Variants in PTPRM observed in about 807,000 individuals in gnomAD.
PTPRM encodes the protein receptor-type tyrosine-protein phosphatase mu.
A neutral mutation model predicts 186.7 loss-of-function variants in PTPRM; 47 were observed. The observed-to-expected ratio is 0.25, with a 90% CI of 0.20 to 0.32. The LOEUF (loss-of-function observed/expected upper bound fraction) is 0.32. Among genes scored for constraint, PTPRM ranks in the 10% least tolerant of loss-of-function variants. The pLI, the probability that PTPRM is intolerant of heterozygous loss-of-function variation, is 1.00. For missense variants in PTPRM, 1,494 were observed against 1,865.0 expected (o/e 0.80, Z 3.66); for synonymous variants, 668 against 674.9 (o/e 0.99, Z 0.16).
intron 14 of PTPRM, among the ~76,000 whole-genome samples, chr18:8,153,194 C>T (rs781533989): frequency 1.4e-4 from 22 of 152,184 alleles, no homozygotes; most frequent in Middle Eastern, 3.4e-3. Context: ...TTTTTAATTC[C>T]GGGAATATGG....
At chr18:7,953,029 G>A (rs569110395) in intron 6 of PTPRM, among the ~76,000 whole-genome samples, 11 of 152,278 alleles carry the variant, frequency 7.2e-5, no homozygotes, top group East Asian at 1.9e-4. Flanking sequence ...AAATGTTGCC[G>A]TATTCTTGTG....
Position 8,213,824 on chromosome 18 carries a change from G to A in PTPRM, c.2301-30234G>A, listed in dbSNP as rs139099336. Among the ~76,000 whole-genome samples the A allele has an allele frequency of 2.3e-3, 348 of 152,242 alleles. 2 individuals are homozygous for A. Among genetic ancestry groups the A allele is most frequent in the Non-Finnish European group, 1.8e-3 (125 of 68,020 alleles). ...GCATGCATGCGCTTGTCACTGCACT[G>A]TTCACAATTGCAAAGATACGGAATC... On this transcript the variant is annotated intron_variant, in intron 14 of 32. Transcript: ENST00000580170.
chr18:7,873,041 A>G (rs944780524), intron 2 of PTPRM, among the ~76,000 whole-genome samples: 12 of 152,272 alleles, frequency 7.9e-5, no homozygotes, highest in Non-Finnish European at 8.8e-5. Flanking sequence ...GAATGTTGGT[A>G]GTTTTTAAAT....
chr18:7,668,755 C>G lies in PTPRM; in HGVS notation c.73+100864C>G, dbSNP rs902871014. On this transcript the variant is annotated intron_variant, in intron 1 of 32. Coordinates refer to ENST00000580170, the MANE Select transcript of PTPRM (RefSeq NM_001105244.2). This position sits in a 1 kb window ranked among gnomAD's most constrained non-coding sequence, Gnocchi z 4.7. ...AACTTCTCAGCAAGGCTCACCCTGG[C>G]CACTGCCACAGAACTGCCATTCCTG... Among the ~76,000 whole-genome samples the G allele has an allele frequency of 6.6e-6, 1 of 152,212 alleles. No individual in the cohort carries two copies. Among genetic ancestry groups the G allele is most frequent in the Non-Finnish European group, 1.5e-5 (1 of 68,048 alleles).
chr18:8,161,848 T>C (rs1456669243), intron 14 of PTPRM, among the ~76,000 whole-genome samples: 1 of 152,174 alleles, frequency 6.6e-6, no homozygotes, highest in Non-Finnish European at 1.5e-5. Context: ...TAACTGGTTC[T>C]TGCTCAGAAA....
At chr18:7,683,946 A>G (rs2144593452) in intron 1 of PTPRM, among the ~76,000 whole-genome samples, 1 of 152,154 alleles carries the variant, frequency 6.6e-6, no homozygotes, top group East Asian at 1.9e-4. Flanking sequence ...TGATATCAGC[A>G]GGGGGTTGCT....
In PTPRM at chr18:7,688,022, C is replaced by T. The variant is rs111911739; in HGVS notation, c.74-86127C>T. Among the ~76,000 whole-genome samples the T allele has an allele frequency of 5.6e-3, 854 of 152,138 alleles. 10 individuals are homozygous for T. The highest frequency in any genetic ancestry group is 0.02 in the African/African-American group (813 of 41,496). On this transcript the variant is annotated intron_variant, in intron 1 of 32. Transcript: ENST00000580170. Reference sequence around the variant, plus strand: ...CGATCTCTTGACTTTGTGATCCGCCCGTCTCAGCTTCCCAAAGTGCTGGAT... The same window carrying T: ...CGATCTCTTGACTTTGTGATCCGCCTGTCTCAGCTTCCCAAAGTGCTGGAT...
At chr18:8,000,175 C>T (rs998226496) in intron 7 of PTPRM, among the ~76,000 whole-genome samples, 9 of 152,160 alleles carry the variant, frequency 5.9e-5, no homozygotes, top group African/African-American at 2.2e-4. Context: ...ACACCCTCAC[C>T]AGAAACATTC....
intron 22 of PTPRM, among the ~76,000 whole-genome samples, chr18:8,321,661 G>A (rs985840369): frequency 9.2e-5 from 14 of 152,188 alleles, no homozygotes; most frequent in Non-Finnish European, 7.4e-5. Context: ...TTACCAGGTC[G>A]TGGCAGCCTT....
chr18:7,817,237 A>C (rs1339239554), intron 2 of PTPRM, among the ~76,000 whole-genome samples: 1 of 152,180 alleles, frequency 6.6e-6, no homozygotes, highest in Non-Finnish European at 1.5e-5. Context: ...GGCATCCCAA[A>C]GTGTTGGGAT....
intron 19 of PTPRM, among the ~76,000 whole-genome samples, chr18:8,263,931 G>A (rs534458801): frequency 2.0e-5 from 3 of 152,258 alleles, no homozygotes; most frequent in African/African-American, 7.2e-5. Flanking sequence ...CTGCTCTAGT[G>A]AATAAATTAA....
chr18:8,033,414 G>A lies in PTPRM; in HGVS notation c.1133-36272G>A, dbSNP rs560604187. On this transcript the variant is annotated intron_variant, in intron 7 of 32. Transcript: ENST00000580170. ...CAATAAGGATATACTCTGAGAATGT[G>A]TCTTTCACCATTTCATGGTTGTGCA... Among the ~76,000 whole-genome samples, 23 of 152,220 alleles carry A rather than the reference G, an allele frequency of 1.5e-4. No individual in the cohort carries two copies. In the East Asian group the frequency reaches 3.5e-3, roughly 23 times the overall value.
intron 23 of PTPRM, among the ~76,000 whole-genome samples, chr18:8,359,822 T>G (rs1298489774): frequency 2.0e-5 from 3 of 152,242 alleles, no homozygotes; most frequent in Non-Finnish European, 4.4e-5. Flanking sequence ...TAGTCTGCCT[T>G]CCTTGTTCTG....
At chr18:8,275,704 T>C (rs2094826038) in intron 19 of PTPRM, among the ~76,000 whole-genome samples, 1 of 152,198 alleles carries the variant, frequency 6.6e-6, no homozygotes. Flanking sequence ...GTCTATTTCA[T>C]AGGACTGTTG....
At chr18:8,240,614 GGAGGGA>G (rs2094410555) in intron 14 of PTPRM, among the ~76,000 whole-genome samples, 1 of 33,746 alleles carries the variant, frequency 3.0e-5, no homozygotes, top group Non-Finnish European at 4.7e-5. Flanking sequence ...AGAGAGAGAG[GGAGGGA>G]GAGAGAGAGA....
chr18:8,144,762 A>G (rs1023778713), intron 14 of PTPRM, among the ~76,000 whole-genome samples: 1 of 152,228 alleles, frequency 6.6e-6, no homozygotes, highest in Non-Finnish European at 1.5e-5. Context: ...TAATAATAAA[A>G]TCTTCGATTT....
chr18:8,304,464 G>T (rs995972329), intron 20 of PTPRM, among the ~76,000 whole-genome samples: 1 of 152,046 alleles, frequency 6.6e-6, no homozygotes, highest in Non-Finnish European at 1.5e-5. Context: ...AAAAATATCT[G>T]CTTTTCTCTG....
intron 22 of PTPRM, among the ~76,000 whole-genome samples, chr18:8,340,917 A>C (rs592535): frequency 0.84 from 127,243 of 152,158 alleles, 54,235 homozygotes; most frequent in Middle Eastern, 0.94. Context: ...GAGTTGAGAA[A>C]CATTGCCTCC....
At chr18:8,406,036 T>C (rs756323906) in intron 32 of PTPRM, 73 bp from the exon 33 acceptor site, 30 of 1,334,032 alleles carry the variant, frequency 2.2e-5, no homozygotes, top group Admixed American at 3.4e-5. Flanking sequence ...AAGACCCTAC[T>C]CTATGGTAAT....
Sources: allele counts gnomAD v4.1 joint callset (sites outside exome capture counted in the v4.1 genomes callset), GRCh38; gene constraint gnomAD v4.1.1; non-coding constraint Gnocchi (gnomAD v3.1); transcripts MANE v1.5; gene names NCBI Gene and HGNC (gene_info 2026-07-23, HGNC 2026-07-21).